The following PHACTR2 variants were observed in gnomAD, a reference collection of about 807,000 sequenced individuals.
PHACTR2 encodes phosphatase and actin regulator 2, also known as chromosome 6 open reading frame 56.
PHACTR2 carries 30 observed loss-of-function variants against 76.0 expected under a neutral mutation model. That is an observed-to-expected ratio of 0.39 (90% CI 0.30 to 0.54). The LOEUF is 0.54. Ranked by LOEUF, PHACTR2 falls within the 20% of genes least tolerant of loss-of-function variation. The probability of loss-of-function intolerance (pLI) is 0.61; values close to 1 mark genes in which losing one functional copy is unlikely to be tolerated. For missense variants in PHACTR2, 696 were observed against 781.1 expected, an observed-to-expected ratio of 0.89 and a Z score of 1.30; for synonymous variants, 292 against 292.5, an observed-to-expected ratio of 1.00 and a Z score of 0.02.
chr6:143,567,348 G>A (rs189914385), intron 1 of PHACTR2, among the ~76,000 whole-genome samples: 2 of 151,862 alleles, frequency 1.3e-5, no homozygotes, highest in East Asian at 3.9e-4. Context: ...CTCCATACAG[G>A]CTTTGGTCTT....
rs1245162667 is a variant in PHACTR2, at chr6:143,595,242, T to A, written c.217+58035T>A. ...AAATATATATGAACTAAGTTAAGTA[T>A]GTCAAATGACACACTAAAGGCTAAT... On this transcript the variant is annotated intron_variant, in intron 1 of 11. Transcript: ENST00000367584. This position sits in a 1 kb window ranked among gnomAD's most constrained non-coding sequence, Gnocchi z 4.2. 6.6e-6 allele frequency among the ~76,000 whole-genome samples: 1 copy of A among 152,224 alleles called. No homozygotes were observed. Among genetic ancestry groups the A allele is most frequent in the Admixed American group, 6.5e-5 (1 of 15,276 alleles).
In PHACTR2 at chr6:143,700,125, A is replaced by G. The variant is rs1021670281; in HGVS notation, c.47-11891A>G. On this transcript the variant is annotated intron_variant, in intron 1 of 12. Transcript: ENST00000440869. This position sits in a 1 kb window ranked among gnomAD's most constrained non-coding sequence, Gnocchi z 4.1. ...ATATATATTCTCTGGGCTTTTATTT[A>G]TCCACCAGCCTTTCGACTTAAATAT... is the stretch of plus-strand genomic sequence containing the variant. 6.6e-6 allele frequency among the ~76,000 whole-genome samples: 1 copy of G among 152,164 alleles called. No individual in the cohort carries two copies. Among genetic ancestry groups the G allele is most frequent in the Non-Finnish European group, 1.5e-5 (1 of 68,026 alleles).
At position 143,738,847 on chromosome 6, in the gene PHACTR2, T is replaced by A. The variant is rs1298282081; in HGVS notation, c.215-10138T>A. ...TAGTGTCACTAAGATTTCTTTTCTA[T>A]CTAATCTTGCTTGCTGTTGACTGAT... On this transcript the variant is annotated intron_variant, in intron 2 of 12. Transcript: ENST00000440869. This position sits in a 1 kb window ranked among gnomAD's most constrained non-coding sequence, Gnocchi z 4.0. 1.3e-5 allele frequency among the ~76,000 whole-genome samples: 2 copies of A among 152,174 alleles called. No homozygotes were observed. The highest frequency in any genetic ancestry group is 2.9e-5 in the Non-Finnish European group (2 of 68,036).
Position 143,537,557 on chromosome 6 carries a change from T to A in PHACTR2, c.217+350T>A, listed in dbSNP as rs1346723875. Among the ~76,000 whole-genome samples, 2 of 152,122 alleles carry A rather than the reference T, an allele frequency of 1.3e-5. No homozygotes were observed. The highest frequency in any genetic ancestry group is 4.8e-5 in the African/African-American group (2 of 41,442). ...GGCTTTTCCATCAGAAAGAGGAACA[T>A]TCTCGGTCTTCGGCGCGACTTTGGT... On this transcript the variant is annotated intron_variant, in intron 1 of 11. Transcript: ENST00000367584. This position sits in a 1 kb window ranked among gnomAD's most constrained non-coding sequence, Gnocchi z 4.4.
intron 1 of PHACTR2, among the ~76,000 whole-genome samples, chr6:143,584,375 T>C (rs1775603437): frequency 6.6e-6 from 1 of 152,216 alleles, no homozygotes; most frequent in African/African-American, 2.4e-5. Flanking sequence ...TGGGCTTAGC[T>C]ACTCAGGGGG....
Position 143,537,841 on chromosome 6 carries a change from C to G in PHACTR2, c.217+634C>G, listed in dbSNP as rs894062055. 6.6e-6 allele frequency among the ~76,000 whole-genome samples: 1 copy of G among 152,204 alleles called. No homozygotes were observed. Among genetic ancestry groups the G allele is most frequent in the African/African-American group, 2.4e-5 (1 of 41,434 alleles). On this transcript the variant is annotated intron_variant, in intron 1 of 11. Transcript: ENST00000367584. The surrounding 1 kb of genome is among the most constrained non-coding windows in gnomAD (Gnocchi z 4.4). ...AAAGCCTCGGCCAGGAGCGGTGGCTCACGCCTGTAATTCCAGAGCTTTGGG... is the reference window on the plus strand; with the variant it reads ...AAAGCCTCGGCCAGGAGCGGTGGCTGACGCCTGTAATTCCAGAGCTTTGGG...
Position 143,678,065 on chromosome 6 carries a change from C to G in PHACTR2, c.-99C>G. 2 of 1,538,492 alleles carry G rather than the reference C, an allele frequency of 1.3e-6. No individual in the cohort carries two copies. The highest frequency in any genetic ancestry group is 2.5e-5 in the East Asian group (1 of 39,822). On this transcript the variant is annotated 5_prime_UTR_variant, in exon 1 of 13. Coordinates refer to ENST00000440869, the MANE Select transcript of PHACTR2 (RefSeq NM_001100164.2). The surrounding 1 kb of genome is among the most constrained non-coding windows in gnomAD (Gnocchi z 6.2). ...GACCCGGCGGGCCGCTCGGCACAGG[C>G]CGGGACATGAACGCCTGGAAGTCTG...
rs1209956160 is a variant in PHACTR2 at position 143,775,201 on chromosome 6, G to C, written c.1589+986G>C. Among the ~76,000 whole-genome samples the C allele has an allele frequency of 6.6e-6, 1 of 152,160 alleles. No individual in the cohort carries two copies. Among genetic ancestry groups the C allele is most frequent in the Non-Finnish European group, 1.5e-5 (1 of 68,030 alleles). On this transcript the variant is annotated intron_variant, in intron 8 of 12. Coordinates refer to ENST00000440869, the MANE Select transcript of PHACTR2 (RefSeq NM_001100164.2). This position sits in a 1 kb window ranked among gnomAD's most constrained non-coding sequence, Gnocchi z 4.4. ...CTGAGTTGTGCAGAAAGGTGTCAGA[G>C]ACAGCAGCTGTGGCATCTATCTGAA...
chr6:143,731,388 A>G lies in PHACTR2; in HGVS notation c.215-17597A>G, dbSNP rs1778698740. ...CAGCAACCTCCGCCTCCCAGGTTCA[A>G]GTGATTCTCCTGCCTCAGCCTCCGG... On this transcript the variant is annotated intron_variant, in intron 2 of 12. Coordinates refer to ENST00000440869, the MANE Select transcript of PHACTR2 (RefSeq NM_001100164.2). This position sits in a 1 kb window ranked among gnomAD's most constrained non-coding sequence, Gnocchi z 4.9. Among the ~76,000 whole-genome samples the G allele has an allele frequency of 6.6e-6, 1 of 151,948 alleles. No homozygotes were observed. Among genetic ancestry groups the G allele is most frequent in the South Asian group, 2.1e-4 (1 of 4,814 alleles).
rs1779422474 is a variant in PHACTR2 at position 143,760,726 on chromosome 6, G to A, written c.694+86G>A. On this transcript the variant is annotated intron_variant, in intron 5 of 12. Transcript: ENST00000440869. The surrounding 1 kb of genome is among the most constrained non-coding windows in gnomAD (Gnocchi z 6.4). ...CTAATTGTTTCTTCTAGGTGTGATG[G>A]GCTTTTGGTGTCTTAGGACATTACA... is the stretch of plus-strand genomic sequence containing the variant. 1 of 1,458,432 alleles carries A rather than the reference G, an allele frequency of 6.9e-7. No homozygotes were observed. Among genetic ancestry groups the A allele is most frequent in the Non-Finnish European group, 9.3e-7 (1 of 1,080,004 alleles). The allele number at this position is 1,458,432 out of a possible 1,614,324, so 90.3% of individuals were successfully genotyped here. A position where few individuals can be genotyped will look rare whatever the true frequency, so the allele number is the denominator to read the frequency against.
chr6:143,809,601 A>C lies in PHACTR2; in HGVS notation c.1922+2468A>C, dbSNP rs918641609. ...AAAATTCTATTAAGTATAAATGAAAAACCTTCACTCCTTTCCCAACCTCAT... is the reference window on the plus strand; with the variant it reads ...AAAATTCTATTAAGTATAAATGAAACACCTTCACTCCTTTCCCAACCTCAT... On this transcript the variant is annotated intron_variant, in intron 12 of 12. Transcript: ENST00000440869. This position sits in a 1 kb window ranked among gnomAD's most constrained non-coding sequence, Gnocchi z 4.2. Among the ~76,000 whole-genome samples the C allele has an allele frequency of 1.3e-5, 2 of 152,130 alleles. No individual in the cohort carries two copies. Among genetic ancestry groups the C allele is most frequent in the African/African-American group, 2.4e-5 (1 of 41,432 alleles).
chr6:143,612,660 T>G (rs1775996785), intron 1 of PHACTR2, among the ~76,000 whole-genome samples: 1 of 152,186 alleles, frequency 6.6e-6, no homozygotes, highest in South Asian at 2.1e-4. Context: ...GCATGTGTAT[T>G]GTTAATATAT....
At chr6:143,735,949 G>C (rs1778807742) in intron 2 of PHACTR2, among the ~76,000 whole-genome samples, 1 of 152,096 alleles carries the variant, frequency 6.6e-6, no homozygotes, top group Admixed American at 6.5e-5. Context: ...ACTTAATATA[G>C]GAAAAAGATA....
chr6:143,783,291 C>G lies in PHACTR2; in HGVS notation c.1707+11C>G, dbSNP rs992547929. ...AGACTCAGCAGAAAGGTAATGAAAT[C>G]ATAACTATTAATGAGCATATGTGTT... On this transcript the variant is annotated intron_variant, in intron 10 of 12. Coordinates refer to ENST00000440869, the MANE Select transcript of PHACTR2 (RefSeq NM_001100164.2). The surrounding 1 kb of genome is among the most constrained non-coding windows in gnomAD (Gnocchi z 5.2). 1.3e-6 allele frequency: 2 copies of G among 1,561,226 alleles called. No homozygotes were observed. Among genetic ancestry groups the G allele is most frequent in the Non-Finnish European group, 8.8e-7 (1 of 1,133,060 alleles).
chr6:143,739,952 G>A lies in PHACTR2; in HGVS notation c.215-9033G>A, dbSNP rs150078667. 3.4e-3 allele frequency among the ~76,000 whole-genome samples: 519 copies of A among 152,282 alleles called. 6 individuals carry two copies. The highest frequency in any genetic ancestry group is 0.01 in the African/African-American group (420 of 41,562). On this transcript the variant is annotated intron_variant, in intron 2 of 12. Transcript: ENST00000440869. The surrounding 1 kb of genome is among the most constrained non-coding windows in gnomAD (Gnocchi z 4.3). ...GGTCCTGCTCAAGACCCCAAGAGAG[G>A]GTTCTTGGATCTCGGACAAGAAAGA...
In PHACTR2 at chr6:143,712,078, C is replaced by A; in HGVS notation, c.109C>A (p.Pro37Thr). The A allele has an allele frequency of 6.3e-7, 1 of 1,597,066 alleles. No homozygotes were observed. Among genetic ancestry groups the A allele is most frequent in the Non-Finnish European group, 8.5e-7 (1 of 1,173,632 alleles). Residue 37 changes from proline to threonine, a missense_variant, in exon 2 of 13, where the codon CCT becomes ACT. By Grantham distance (38) the Pro-to-Thr change is conservative. Coordinates refer to ENST00000440869, the MANE Select transcript of PHACTR2 (RefSeq NM_001100164.2). Reference protein sequence around the residue: ...SDGPTAGSQTPPFKRKGKLST... With the variant: ...SDGPTAGSQTTPFKRKGKLST... Reference sequence around the variant, plus strand: ...TGGCCCCACAGCAGGTTCCCAAACACCTCCCTTCAAAAGAAAGGGGAAACT... The same window carrying A: ...TGGCCCCACAGCAGGTTCCCAAACAACTCCCTTCAAAAGAAAGGGGAAACT...
rs150218477 is a variant in PHACTR2 at position 143,796,861 on chromosome 6, C to G, written c.1845+7951C>G. Among the ~76,000 whole-genome samples the G allele has an allele frequency of 2.3e-3, 355 of 152,238 alleles. 1 individual carries two copies. Among genetic ancestry groups the G allele is most frequent in the Non-Finnish European group, 3.1e-3 (210 of 68,024 alleles). ...GTCTTTGCTATTGTGAATAGTGCCT[C>G]AGTAAACATACATGTGCATGTGTCT... On this transcript the variant is annotated intron_variant, in intron 11 of 12. Transcript: ENST00000440869.
chr6:143,593,476 C>G (rs1012310088), intron 1 of PHACTR2, among the ~76,000 whole-genome samples: 1 of 152,110 alleles, frequency 6.6e-6, no homozygotes, highest in East Asian at 1.9e-4. Flanking sequence ...ACTCTTAGTT[C>G]AGCAGTAACA....
intron 1 of PHACTR2, among the ~76,000 whole-genome samples, chr6:143,665,400 C>A (rs1300011955): frequency 6.6e-6 from 1 of 152,172 alleles, no homozygotes; most frequent in African/African-American, 2.4e-5. Context: ...CTTGGCGACA[C>A]ATGGGATTGT....
Sources: gnomAD v4.1 joint callset for allele counts (sites outside exome capture counted in the v4.1 genomes callset) on GRCh38, gnomAD v4.1.1 for gene constraint, Gnocchi (gnomAD v3.1) non-coding constraint, MANE v1.5 for transcripts, NCBI Gene and HGNC (gene_info 2026-07-23, HGNC 2026-07-21) for gene names.